The following BMP7 variants were observed in gnomAD, a reference collection of about 807,000 sequenced individuals.
BMP7 encodes osteogenic protein 1.
BMP7 carries 12 observed loss-of-function variants against 41.2 expected under a neutral mutation model. The ratio of observed to expected loss-of-function variants is 0.29; its 90% CI spans 0.19 to 0.47. The LOEUF (loss-of-function observed/expected upper bound fraction) is 0.47. Ranked by LOEUF, BMP7 falls within the 20% of genes least tolerant of loss-of-function variation. The pLI is 0.99. For missense variants in BMP7, 467 were observed against 606.0 expected (o/e 0.77, Z 2.41); for synonymous variants, 248 against 250.0 (o/e 0.99, Z 0.07).
chr20:57,220,149 AAAG>A (rs1454978331), intron 2 of BMP7, among the ~76,000 whole-genome samples: 1 of 152,196 alleles, frequency 6.6e-6, no homozygotes, highest in Non-Finnish European at 1.5e-5. Context: ...TGTTGAGGAA[AAAG>A]AAGAACATGG....
intron 3 of BMP7, among the ~76,000 whole-genome samples, chr20:57,202,274 G>T (rs1984638112): frequency 1.3e-5 from 2 of 152,124 alleles, no homozygotes; most frequent in Non-Finnish European, 2.9e-5. Context: ...ACCCAATTCT[G>T]CTATGACCAA....
In BMP7 at chr20:57,174,879, G is replaced by C; in HGVS notation, c.1035+52C>G. On this transcript the variant is annotated intron_variant, in intron 5 of 6. Coordinates refer to ENST00000395863, the MANE Select transcript of BMP7 (RefSeq NM_001719.3). This position sits in a 1 kb window ranked among gnomAD's most constrained non-coding sequence, Gnocchi z 4.3. ...CTGAGCACAGACCCGCTGCCTCGTG[G>C]GAGCCCACGCCAGAGGGCCCACACC... The C allele has an allele frequency of 6.4e-7, 1 of 1,562,236 alleles. No individual in the cohort carries two copies. Among genetic ancestry groups the C allele is most frequent in the Non-Finnish European group, 8.7e-7 (1 of 1,147,562 alleles).
intron 2 of BMP7, among the ~76,000 whole-genome samples, chr20:57,212,760 AAGCCCGGGAAGGAGATCAAAGG>A (rs1307390888): frequency 6.6e-6 from 1 of 152,124 alleles, no homozygotes; most frequent in African/African-American, 2.4e-5. Context: ...GCCTGCAGGG[AAGCCCGGGAAGGAGATCAAAGG>A]AGCCCAGAAG....
intron 2 of BMP7, among the ~76,000 whole-genome samples, chr20:57,207,812 T>G (rs992228868): frequency 2.1e-4 from 5 of 23,500 alleles, no homozygotes; most frequent in South Asian, 2.4e-3. Flanking sequence ...CCCCAGTTGG[T>G]TTTTTTTTTT....
chr20:57,223,800 A>T (rs1279024480), intron 2 of BMP7, among the ~76,000 whole-genome samples: 1 of 152,118 alleles, frequency 6.6e-6, no homozygotes, highest in African/African-American at 2.4e-5. Flanking sequence ...CTGCCCAAAC[A>T]CGCTCATGGG....
intron 1 of BMP7, among the ~76,000 whole-genome samples, chr20:57,257,092 T>C (rs1421456313): frequency 1.3e-5 from 2 of 152,146 alleles, no homozygotes; most frequent in Non-Finnish European, 2.9e-5. Context: ...TCCCAGGGAC[T>C]CTGCTGCCAC....
intron 3 of BMP7, among the ~76,000 whole-genome samples, chr20:57,195,801 C>T (rs1232435875): frequency 6.6e-6 from 1 of 152,206 alleles, no homozygotes; most frequent in South Asian, 2.1e-4. Context: ...CACGTGCTCT[C>T]GTGTGTCACA....
chr20:57,196,834 T>A (rs1984502009), intron 3 of BMP7, among the ~76,000 whole-genome samples: 1 of 152,158 alleles, frequency 6.6e-6, no homozygotes, highest in African/African-American at 2.4e-5. Flanking sequence ...AAAATAATCT[T>A]AATTTTTAAT....
rs956864445 is a variant in BMP7 at position 57,224,929 on chromosome 20, G to A, written c.611+3300C>T. ...AGAGATCAAGAGGAGTCAGTGGAAA[G>A]TGACTCCCACAAGGGGAGAGACGCT... On this transcript the variant is annotated intron_variant, in intron 2 of 6. Coordinates refer to ENST00000395863, the MANE Select transcript of BMP7 (RefSeq NM_001719.3). The surrounding 1 kb of genome is among the most constrained non-coding windows in gnomAD (Gnocchi z 4.8). 4 of 152,290 alleles carry A rather than the reference G, an allele frequency of 2.6e-5. No individual in the cohort carries two copies. The highest frequency in any genetic ancestry group is 7.2e-5 in the African/African-American group (3 of 41,478). The allele number at this position is 152,290 out of a possible 1,614,324, so 9.4% of individuals were successfully genotyped here. A position where few individuals can be genotyped will look rare whatever the true frequency, so the allele number is the denominator to read the frequency against.
In BMP7 at chr20:57,210,969, C is replaced by T. The variant is rs566180258; in HGVS notation, c.612-8346G>A. 8.5e-4 allele frequency among the ~76,000 whole-genome samples: 130 copies of T among 152,332 alleles called. 1 individual carries two copies. Among genetic ancestry groups the T allele is most frequent in the African/African-American group, 3.0e-3 (124 of 41,580 alleles). On this transcript the variant is annotated intron_variant, in intron 2 of 6. Coordinates refer to ENST00000395863, the MANE Select transcript of BMP7 (RefSeq NM_001719.3). ...AGGGCAGTGTAATGAAAAATGTTCT[C>T]GCCATCACAGCCTGAGAGCCAGCCT...
At chr20:57,247,191 A>T (rs1473648597) in intron 1 of BMP7, among the ~76,000 whole-genome samples, 2 of 152,224 alleles carry the variant, frequency 1.3e-5, no homozygotes, top group Non-Finnish European at 2.9e-5. Context: ...TCTAGACCCA[A>T]CTGATTCATG....
Position 57,242,908 on chromosome 20 carries a change from C to T in BMP7, c.419-14487G>A, listed in dbSNP as rs191007244. Among the ~76,000 whole-genome samples, 548 of 152,288 alleles carry T rather than the reference C, an allele frequency of 3.6e-3. 1 individual carries two copies. The highest frequency in any genetic ancestry group is 6.0e-3 in the Non-Finnish European group (407 of 68,018). On this transcript the variant is annotated intron_variant, in intron 1 of 6. Transcript: ENST00000395863. ...ATCCCAGATACTCGGGAGGCTGAGG[C>T]ACAAGAATCACTTGAACCCAGGAGG...
At chr20:57,263,782 T>C (rs1262483834) in intron 1 of BMP7, among the ~76,000 whole-genome samples, 1 of 151,588 alleles carries the variant, frequency 6.6e-6, no homozygotes, top group Non-Finnish European at 1.5e-5. Flanking sequence ...CTTTAGTTTT[T>C]GGTATAGTTA....
At chr20:57,180,804 C>T (rs1445448902) in intron 4 of BMP7, among the ~76,000 whole-genome samples, 7 of 152,146 alleles carry the variant, frequency 4.6e-5, no homozygotes, top group East Asian at 1.9e-4. Flanking sequence ...GAGGTCCATC[C>T]GGGGGCCCCA....
intron 1 of BMP7, among the ~76,000 whole-genome samples, chr20:57,249,640 T>C: frequency 6.6e-6 from 1 of 152,128 alleles, no homozygotes; most frequent in East Asian, 1.9e-4. Flanking sequence ...GGGAAGTGTA[T>C]AGTCTTGGAT....
intron 4 of BMP7, among the ~76,000 whole-genome samples, chr20:57,176,792 CT>C (rs1226879265): frequency 3.8e-5 from 2 of 52,716 alleles, no homozygotes; most frequent in East Asian, 8.7e-4. Context: ...ACACACACAC[CT>C]GTTAACTGTT....
intron 1 of BMP7, among the ~76,000 whole-genome samples, chr20:57,258,702 A>G (rs907532320): frequency 2.6e-5 from 4 of 152,192 alleles, no homozygotes; most frequent in Non-Finnish European, 5.9e-5. Flanking sequence ...TCATCCTCAA[A>G]TAAGTTTGGT....
At chr20:57,245,440 G>A (rs535258955) in intron 1 of BMP7, among the ~76,000 whole-genome samples, 5 of 152,180 alleles carry the variant, frequency 3.3e-5, no homozygotes, top group African/African-American at 1.2e-4. Flanking sequence ...TTGGACTCCT[G>A]AGCTCAAGTG....
At chr20:57,217,872 C>A (rs1985069088) in intron 2 of BMP7, among the ~76,000 whole-genome samples, 1 of 152,230 alleles carries the variant, frequency 6.6e-6, no homozygotes, top group African/African-American at 2.4e-5. Flanking sequence ...ACAGGGGAAA[C>A]CAGGCGTGTC....
Sources: gnomAD v4.1 joint callset for allele counts (sites outside exome capture counted in the v4.1 genomes callset) on GRCh38, gnomAD v4.1.1 for gene constraint, Gnocchi (gnomAD v3.1) non-coding constraint, MANE v1.5 for transcripts, NCBI Gene and HGNC (gene_info 2026-07-23, HGNC 2026-07-21) for gene names.